The following ANKS6 variants were observed in gnomAD, a reference collection of about 807,000 sequenced individuals.
ANKS6 encodes the protein ankyrin repeat and SAM domain-containing protein 6.
Under a neutral mutation model 77.9 loss-of-function variants are expected in ANKS6, and 47 were observed. That is an observed-to-expected ratio of 0.60 (90% CI 0.48 to 0.77). The LOEUF is 0.77. ANKS6 is among the 30% of genes least tolerant of loss of function. ANKS6 has a pLI of 0.00. For missense variants in ANKS6, 1,150 were observed against 1,159.1 expected (o/e 0.99, Z 0.11); for synonymous variants, 488 against 501.7 (o/e 0.97, Z 0.37).
At chr9:98,781,318 T>C (rs1444879729) in intron 5 of ANKS6, among the ~76,000 whole-genome samples, 1 of 152,132 alleles carries the variant, frequency 6.6e-6, no homozygotes, top group Non-Finnish European at 1.5e-5. Flanking sequence ...ACTGTTTTAT[T>C]GGGAAAGGGA....
In ANKS6 at chr9:98,732,860, C is replaced by A. The variant is rs1003999383; in HGVS notation, c.*3659G>T. ...AACAGAAAAACAGGCACCCAACTGA[C>A]CCTTCCTCCCTGACGATCTAGAACT... On this transcript the variant is annotated 3_prime_UTR_variant, in exon 15 of 15. Transcript: ENST00000353234. 24 of 1,185,506 alleles carry A rather than the reference C, an allele frequency of 2.0e-5. No homozygotes were observed. The highest frequency in any genetic ancestry group is 2.4e-5 in the Non-Finnish European group (23 of 953,314). 73.4% of individuals were successfully genotyped at this position (1,185,506 alleles called of 1,614,324 possible).
chr9:98,782,717 T>G, intron 4 of ANKS6, 144 bp from the exon 5 acceptor site: 2 of 633,144 alleles, frequency 3.2e-6, no homozygotes, highest in Non-Finnish European at 5.6e-6. Flanking sequence ...CATTCTCTCA[T>G]TCCCTAGCAC....
chr9:98,784,593 G>A (rs961210634), intron 3 of ANKS6: 1 of 508,382 alleles, frequency 2.0e-6, no homozygotes, highest in East Asian at 3.1e-5. Context: ...TGCAGGAAGA[G>A]CTAGGGCATA....
chr9:98,753,700 A>C (rs1588344372), intron 12 of ANKS6, among the ~76,000 whole-genome samples: 1 of 152,072 alleles, frequency 6.6e-6, no homozygotes, highest in Admixed American at 6.6e-5. Flanking sequence ...GCCAATTTCA[A>C]CCTACCAATC....
chr9:98,752,296 G>A (rs1475044225), intron 12 of ANKS6, among the ~76,000 whole-genome samples: 1 of 152,224 alleles, frequency 6.6e-6, no homozygotes, highest in African/African-American at 2.4e-5. Flanking sequence ...AAGAGCATTA[G>A]GCAGCATCCA....
At chr9:98,744,602 A>G (rs1832019988) in intron 14 of ANKS6, among the ~76,000 whole-genome samples, 1 of 152,236 alleles carries the variant, frequency 6.6e-6, no homozygotes, top group Non-Finnish European at 1.5e-5. Flanking sequence ...GTGTCTGTTC[A>G]ATATTTCTGT....
In ANKS6 at chr9:98,734,794, T is replaced by C. The variant is rs1242025219; in HGVS notation, c.*1725A>G. On this transcript the variant is annotated 3_prime_UTR_variant, in exon 15 of 15. Transcript: ENST00000353234. ...GCACATAGTAGGGGATGAATGAGTGTGTCTCCTTAAAAAGGCTGGGACATT... is the reference window on the plus strand; with the variant it reads ...GCACATAGTAGGGGATGAATGAGTGCGTCTCCTTAAAAAGGCTGGGACATT... 3 of 985,186 alleles carry C rather than the reference T, an allele frequency of 3.0e-6. No individual in the cohort carries two copies. The Admixed American group carries it at 1.8e-4, about 61-fold the overall frequency. The allele number at this position is 985,186 out of a possible 1,614,324, so 61.0% of individuals were successfully genotyped here.
intron 12 of ANKS6, among the ~76,000 whole-genome samples, chr9:98,753,060 G>A (rs1832515905): frequency 6.6e-6 from 1 of 152,108 alleles, no homozygotes; most frequent in South Asian, 2.1e-4. Flanking sequence ...GTTCTCGGGG[G>A]AAGGTGTATG....
At chr9:98,765,176 G>A (rs1833202278) in intron 11 of ANKS6, among the ~76,000 whole-genome samples, 1 of 152,144 alleles carries the variant, frequency 6.6e-6, no homozygotes, top group Non-Finnish European at 1.5e-5. Flanking sequence ...CTCTGATAAA[G>A]CAGGAGATAA....
chr9:98,790,522 G>A lies in ANKS6; in HGVS notation c.444C>T (p.Leu148=). The A allele has an allele frequency of 3.1e-6, 5 of 1,613,620 alleles. No individual in the cohort carries two copies. The highest frequency in any genetic ancestry group is 4.2e-6 in the Non-Finnish European group (5 of 1,179,954). The change falls in exon 2 of 15, where the codon CTC becomes CTT. Residue 148 remains leucine (L), a synonymous_variant. Coordinates refer to ENST00000353234, the MANE Select transcript of ANKS6 (RefSeq NM_173551.5). ...GGTGGCCGCCCCGAGAAGCCACAGT[G>A]AGCACACTGGCCCCCAGCCGGTTCT... ...NAQNRLGASV[L]TVASRGGHLG...
At chr9:98,788,532 A>C (rs957585847) in intron 2 of ANKS6, among the ~76,000 whole-genome samples, 2 of 152,204 alleles carry the variant, frequency 1.3e-5, no homozygotes, top group South Asian at 2.1e-4. Context: ...AAAACAAAAC[A>C]AAACCCTGTC....
chr9:98,753,249 T>C (rs1047509695), intron 12 of ANKS6, among the ~76,000 whole-genome samples: 5 of 152,182 alleles, frequency 3.3e-5, no homozygotes, highest in African/African-American at 1.2e-4. Flanking sequence ...CCAAGGAGTA[T>C]GGTTCCAACA....
At chr9:98,759,324 G>A (rs917130570) in intron 11 of ANKS6, among the ~76,000 whole-genome samples, 15 of 152,174 alleles carry the variant, frequency 9.9e-5, no homozygotes, top group Admixed American at 7.2e-4. Flanking sequence ...AACACAGAAT[G>A]TGTCTGTAAC....
At chr9:98,749,359 G>C (rs533355661) in intron 13 of ANKS6, among the ~76,000 whole-genome samples, 9 of 152,314 alleles carry the variant, frequency 5.9e-5, no homozygotes, top group Admixed American at 5.9e-4. Flanking sequence ...GAAACTTCTA[G>C]GTGGGTGAGT....
intron 2 of ANKS6, among the ~76,000 whole-genome samples, chr9:98,788,080 C>A (rs1377769627): frequency 6.6e-6 from 1 of 152,190 alleles, no homozygotes; most frequent in Non-Finnish European, 1.5e-5. Flanking sequence ...AGCATCGAAC[C>A]AAGTGGACAG....
At chr9:98,783,748 T>C in intron 4 of ANKS6, 1 of 420,690 alleles carries the variant, frequency 2.4e-6, no homozygotes, top group Non-Finnish European at 4.0e-6. Context: ...AATTCTGTGA[T>C]GGGGGAACAG....
At position 98,773,918 on chromosome 9, in the gene ANKS6, C is replaced by A; in HGVS notation, c.1780G>T (p.Ala594Ser). The A allele has an allele frequency of 6.3e-7, 1 of 1,589,252 alleles. No homozygotes were observed. Among genetic ancestry groups the A allele is most frequent in the South Asian group, 1.1e-5 (1 of 88,362 alleles). ...DPMKTALPQR[A>S]SRGHPVGGGG... is the part of the protein sequence containing the mutation. ...CCGCCCACGGGGTGGCCCCTGCTGG[C>A]TCTCTGGGGCAGCGCAGTCTTCATG... Residue 594 changes from alanine to serine, a missense_variant, in exon 9 of 15, where the codon GCC becomes TCC. By Grantham distance (99) the Ala-to-Ser change is moderately conservative. Transcript: ENST00000353234.
chr9:98,794,306 G>A (rs1835063792), intron 1 of ANKS6, among the ~76,000 whole-genome samples: 1 of 152,184 alleles, frequency 6.6e-6, no homozygotes, highest in Non-Finnish European at 1.5e-5. Context: ...ACCCAGCGTG[G>A]TGGCTGCCAG....
At position 98,784,845 on chromosome 9, in the gene ANKS6, A is replaced by C. The variant is rs1293702910; in HGVS notation, c.894T>G (p.His298Gln). 1 of 1,613,372 alleles carries C rather than the reference A, an allele frequency of 6.2e-7. No individual in the cohort carries two copies. The highest frequency in any genetic ancestry group is 1.7e-4 in the Middle Eastern group (1 of 6,060). Residue 298 changes from histidine to glutamine, a missense_variant, in exon 3 of 15, where the codon CAT (histidine) becomes CAG (glutamine). Physicochemically the swap from His to Gln is conservative, Grantham distance 24. Transcript: ENST00000353234. Reference protein sequence around the residue: ...DEEKRRPDIFHALKMGNFQLV... With the variant: ...DEEKRRPDIFQALKMGNFQLV... The stretch of plus-strand genomic sequence containing the variant: ...TAAAGCGCTTACCCATTTTCAATGC[A>C]TGGAAAATATCAGGTCGCCTTTTCT...
Sources: gnomAD v4.1 joint callset for allele counts (sites outside exome capture counted in the v4.1 genomes callset) on GRCh38, gnomAD v4.1.1 for gene constraint, MANE v1.5 for transcripts, NCBI Gene and HGNC (gene_info 2026-07-23, HGNC 2026-07-21) for gene names.